The following PVALB variants were observed in gnomAD, a reference collection of about 807,000 sequenced individuals.
The protein encoded by PVALB is parvalbumin.
In PVALB, 11 loss-of-function variants were observed where a neutral mutation model predicts 10.9. That is an observed-to-expected ratio of 1.01 (90% CI 0.63 to 1.67). PVALB has a LOEUF of 1.67. Ranked by LOEUF, PVALB falls within the 40% of genes most tolerant of loss-of-function variation. The pLI is 0.00. For synonymous variants in PVALB, 57 were observed against 50.7 expected (o/e 1.12, Z -0.53); for missense variants, 131 against 136.2 (o/e 0.96, Z 0.19).
chr22:36,818,889 A>G (rs1011212877), upstream of PVALB: 1 of 152,330 alleles, frequency 6.6e-6, no homozygotes, highest in African/African-American at 2.4e-5. Context: ...CAGGTCCCAT[A>G]CATCTCAGCC....
At chr22:36,804,426 C>T (rs897255266) in intron 3 of PVALB, among the ~76,000 whole-genome samples, 1 of 152,206 alleles carries the variant, frequency 6.6e-6, no homozygotes, top group Admixed American at 6.5e-5. Context: ...ATCACAGTAG[C>T]CACATGCGCT....
At chr22:36,807,947 G>A (rs1430155139) in intron 3 of PVALB, among the ~76,000 whole-genome samples, 1 of 152,206 alleles carries the variant, frequency 6.6e-6, no homozygotes, top group Non-Finnish European at 1.5e-5. Flanking sequence ...AGGCAATAAT[G>A]ATGACTACAT....
chr22:36,816,087 T>G (rs2145955316), intron 1 of PVALB, among the ~76,000 whole-genome samples: 1 of 151,900 alleles, frequency 6.6e-6, no homozygotes, highest in South Asian at 2.1e-4. Flanking sequence ...GGAATGGCTG[T>G]TGAAGTCATG....
At chr22:36,811,405 C>A in intron 3 of PVALB, 1 of 453,648 alleles carries the variant, frequency 2.2e-6, no homozygotes. Flanking sequence ...GATGAGGAAG[C>A]TGGGGCTCAG....
intron 3 of PVALB, among the ~76,000 whole-genome samples, chr22:36,805,773 C>T (rs2284021): frequency 0.32 from 48,355 of 151,826 alleles, 9,058 homozygotes; most frequent in Non-Finnish European, 0.43. Flanking sequence ...GTTCCGCCTC[C>T]CGTGTGGATC....
At chr22:36,816,153 G>T (rs1207672047) in intron 1 of PVALB, among the ~76,000 whole-genome samples, 1 of 151,998 alleles carries the variant, frequency 6.6e-6, no homozygotes, top group Non-Finnish European at 1.5e-5. Context: ...GTCCACCTCC[G>T]ACACTAGGCT....
At chr22:36,804,900 C>T in intron 3 of PVALB, among the ~76,000 whole-genome samples, 1 of 152,188 alleles carries the variant, frequency 6.6e-6, no homozygotes, top group East Asian at 1.9e-4. Context: ...CACCACTGCA[C>T]TCCAGCCTGG....
At position 36,810,037 on chromosome 22, in the gene PVALB, AC is replaced by A. The variant is rs760806702; in HGVS notation, c.304+3608del. ...GTAGCTGGGATTACAGGTGTGTGCC[AC>A]CACGCCTGGCTAATTTTTGTATTTT... On this transcript the variant is annotated intron_variant, in intron 3 of 3. Coordinates refer to ENST00000417718, the MANE Select transcript of PVALB (RefSeq NM_001315532.2). Among the ~76,000 whole-genome samples, 25 of 152,170 alleles carry A rather than the reference AC, an allele frequency of 1.6e-4. No homozygotes were observed. The South Asian group carries it at 1.9e-3, about 11-fold the overall frequency.
At chr22:36,816,483 G>T (rs1601525252) in intron 1 of PVALB, 1 of 160,782 alleles carries the variant, frequency 6.2e-6, no homozygotes, top group South Asian at 2.0e-4. Flanking sequence ...ACAGTCAGGG[G>T]GCCAACAAAG....
chr22:36,804,702 G>C (rs1938923578), intron 3 of PVALB, among the ~76,000 whole-genome samples: 1 of 152,226 alleles, frequency 6.6e-6, no homozygotes, highest in African/African-American at 2.4e-5. Context: ...TTGGGAGGCT[G>C]AGGTGGGCAG....
chr22:36,803,563 G>A (rs1346260214), intron 3 of PVALB, among the ~76,000 whole-genome samples: 4 of 138,916 alleles, frequency 2.9e-5, no homozygotes, highest in African/African-American at 8.6e-5. Context: ...TGGATGGGGG[G>A]TAGATGGATG....
Position 36,812,743 on chromosome 22 carries a change from C to A in PVALB, c.304+903G>T, listed in dbSNP as rs576259171. On this transcript the variant is annotated intron_variant, in intron 3 of 3. Transcript: ENST00000417718. ...CCAGCAGAAAAGCCTATTATGGGAACAAATGGCAGCTTAGTATGTTGCAAA... is the reference window on the plus strand; with the variant it reads ...CCAGCAGAAAAGCCTATTATGGGAAAAAATGGCAGCTTAGTATGTTGCAAA... 1.0e-3 allele frequency among the ~76,000 whole-genome samples: 152 copies of A among 152,336 alleles called. 4 individuals carry two copies. The South Asian group carries it at 0.02, about 20-fold the overall frequency.
chr22:36,811,584 A>C, intron 3 of PVALB: 1 of 460,180 alleles, frequency 2.2e-6, no homozygotes, highest in South Asian at 1.6e-5. Context: ...GGAGGGAGGG[A>C]GGCAGGGAAC....
Position 36,817,021 on chromosome 22 carries a change from G to C in PVALB, c.-16C>G, listed in dbSNP as rs1444092960. 1 of 1,606,784 alleles carries C rather than the reference G, an allele frequency of 6.2e-7. No homozygotes were observed. Among genetic ancestry groups the C allele is most frequent in the East Asian group, 2.3e-5 (1 of 44,334 alleles). On this transcript the variant is annotated 5_prime_UTR_variant, in exon 1 of 4. Coordinates refer to ENST00000417718, the MANE Select transcript of PVALB (RefSeq NM_001315532.2). ...TCATCGACATCCTGCAACTGTTTGA[G>C]CGGGCAGAGCAAGTGCGAAAAGATT...
chr22:36,813,525 A>T, intron 3 of PVALB, 121 bp downstream of exon 3: 5 of 781,744 alleles, frequency 6.4e-6, no homozygotes, highest in Admixed American at 6.3e-5. Flanking sequence ...TTGTCTTCTA[A>T]TCTGGGGGAG....
upstream of PVALB, among the ~76,000 whole-genome samples, chr22:36,817,918 G>A (rs1044374660): frequency 2.0e-5 from 3 of 152,026 alleles, no homozygotes; most frequent in Non-Finnish European, 4.4e-5. Flanking sequence ...TATGTGTTTG[G>A]AAGAAGGGTA....
At chr22:36,810,985 A>C (rs1285392045) in intron 3 of PVALB, among the ~76,000 whole-genome samples, 1 of 152,246 alleles carries the variant, frequency 6.6e-6, no homozygotes, top group Non-Finnish European at 1.5e-5. Context: ...AATAAAAATG[A>C]CATTGCATGG....
At chr22:36,814,960 A>G in intron 2 of PVALB, 143 bp downstream of exon 2, 1 of 1,114,642 alleles carries the variant, frequency 9.0e-7, no homozygotes, top group Non-Finnish European at 1.2e-6. Flanking sequence ...CCTGGGTCGG[A>G]GCCCTGCCTT....
upstream of PVALB, among the ~76,000 whole-genome samples, chr22:36,819,210 G>A (rs776554667): frequency 6.6e-6 from 1 of 152,138 alleles, no homozygotes; most frequent in African/African-American, 2.4e-5. Context: ...GCCACGGGGG[G>A]CGGTGGGTGG....
Sources: gnomAD v4.1 joint callset for allele counts (sites outside exome capture counted in the v4.1 genomes callset) on GRCh38, gnomAD v4.1.1 for gene constraint, MANE v1.5 for transcripts, NCBI Gene and HGNC (gene_info 2026-07-23, HGNC 2026-07-21) for gene names.